XPO5: variants seen among roughly 807,000 people sequenced by gnomAD.
XPO5 encodes exportin-5.
Under a neutral mutation model 160.6 loss-of-function variants are expected in XPO5, and 46 were observed. The observed-to-expected ratio is 0.29, with a 90% CI of 0.23 to 0.37. The LOEUF is 0.37. Among genes scored for constraint, XPO5 ranks in the 10% least tolerant of loss-of-function variants. The pLI, the probability that XPO5 is intolerant of heterozygous loss-of-function variation, is 1.00. For missense variants in XPO5, 1,090 were observed against 1,463.9 expected (o/e 0.74, Z 4.17); for synonymous variants, 537 against 519.3 (o/e 1.03, Z -0.46).
At chr6:43,548,559 C>T in intron 17 of XPO5, 99 bp from the exon 18 acceptor site, 1 of 1,077,008 alleles carries the variant, frequency 9.3e-7, no homozygotes, top group South Asian at 2.1e-5. Flanking sequence ...AAAGCAGTCC[C>T]AGGAAAGTCA....
At chr6:43,563,171 C>G (rs1392659808) in intron 8 of XPO5, among the ~76,000 whole-genome samples, 1 of 152,102 alleles carries the variant, frequency 6.6e-6, no homozygotes, top group African/African-American at 2.4e-5. Flanking sequence ...CACACCTAGG[C>G]TGGAGTACAG....
At chr6:43,532,371 C>T (rs181882104) in intron 21 of XPO5, among the ~76,000 whole-genome samples, 7 of 152,322 alleles carry the variant, frequency 4.6e-5, no homozygotes, top group Non-Finnish European at 1.5e-5. Context: ...TGCTTGACCA[C>T]AGCCGGGCTC....
intron 19 of XPO5, among the ~76,000 whole-genome samples, chr6:43,547,022 G>A (rs1582221327): frequency 6.6e-6 from 1 of 152,078 alleles, no homozygotes; most frequent in South Asian, 2.1e-4. Flanking sequence ...CCCACCCACA[G>A]GACCCTGATG....
intron 14 of XPO5, among the ~76,000 whole-genome samples, chr6:43,553,025 G>A (rs1228545795): frequency 2.5e-5 from 3 of 121,030 alleles, no homozygotes; most frequent in Non-Finnish European, 3.2e-5. Context: ...TCTACTACCA[G>A]TTTACTGGCC....
intron 21 of XPO5, among the ~76,000 whole-genome samples, chr6:43,532,576 C>T (rs1277076035): frequency 6.6e-6 from 1 of 152,186 alleles, no homozygotes; most frequent in African/African-American, 2.4e-5. Context: ...ATACCAAGGC[C>T]TTTTTCTCTT....
rs1206744601 is a variant in XPO5, at chr6:43,546,629, G to A, written c.2284C>T (p.Arg762Cys). The A allele has an allele frequency of 3.1e-6, 5 of 1,613,896 alleles. No individual in the cohort carries two copies. The highest frequency in any genetic ancestry group is 1.6e-4 in the Middle Eastern group (1 of 6,062). The change falls in exon 20 of 32, where the codon CGT (arginine) becomes TGT (cysteine). Residue 762 changes from arginine (R) to cysteine (C), a missense_variant. Around this residue, in one of 3 missense-constraint regions of XPO5, gnomAD observed 810 missense variants for 1,139.0 expected, o/e 0.71. Coordinates refer to ENST00000265351, the MANE Select transcript of XPO5 (RefSeq NM_020750.3). ...AGAATCTGCTCTGTGCAGGGGTTAC[G>A]GAAGATTGGATTTCCACTGGATGTA... ...GYTSSGNPIF[R>C]NPCTEQILKL...
At chr6:43,549,864 G>A (rs751733058) in intron 16 of XPO5, 29 bp downstream of exon 16, 4 of 1,592,620 alleles carry the variant, frequency 2.5e-6, no homozygotes, top group East Asian at 2.2e-5. Flanking sequence ...CAAGAAGTTA[G>A]AATCTATTGG....
intron 15 of XPO5, 27 bp from the exon 16 acceptor site, chr6:43,549,961 C>T (rs1403050004): frequency 1.2e-6 from 2 of 1,609,096 alleles, no homozygotes; most frequent in Non-Finnish European, 1.7e-6. Flanking sequence ...AAAAAGGTCA[C>T]TCATGTTTAT....
At chr6:43,553,270 T>G (rs1795338191) in intron 14 of XPO5, 103 bp downstream of exon 14, 2 of 1,401,048 alleles carry the variant, frequency 1.4e-6, no homozygotes, top group Non-Finnish European at 1.9e-6. Context: ...CCACTGCATT[T>G]CAGCCTGAGC....
intron 7 of XPO5, chr6:43,566,688 T>C (rs1762713771): frequency 5.6e-6 from 2 of 359,686 alleles, no homozygotes; most frequent in African/African-American, 4.2e-5. Flanking sequence ...CGTGTGCCTA[T>C]AGTCCTAGCT....
chr6:43,537,950 C>A (rs1794443593), intron 20 of XPO5, among the ~76,000 whole-genome samples: 1 of 150,842 alleles, frequency 6.6e-6, no homozygotes, highest in Non-Finnish European at 1.5e-5. Context: ...CACCTGTAAT[C>A]CCAGCTACTC....
At chr6:43,549,412 G>A (rs1426472491) in intron 17 of XPO5, 77 bp downstream of exon 17, 1 of 1,396,680 alleles carries the variant, frequency 7.2e-7, no homozygotes, top group Non-Finnish European at 9.7e-7. Context: ...TTTTCTTTAT[G>A]TGAGGTACAC....
At chr6:43,560,596 G>A (rs1178379484) in intron 10 of XPO5, among the ~76,000 whole-genome samples, 3 of 152,192 alleles carry the variant, frequency 2.0e-5, no homozygotes, top group Admixed American at 2.0e-4. Context: ...ATTTTGAACA[G>A]AGTGAAATTA....
At chr6:43,535,569 T>A (rs986454485) in intron 20 of XPO5, among the ~76,000 whole-genome samples, 3 of 151,888 alleles carry the variant, frequency 2.0e-5, no homozygotes, top group African/African-American at 7.3e-5. Context: ...GAAGTCATTC[T>A]AGAGGCCGGG....
chr6:43,557,428 A>C (rs1272596252), intron 12 of XPO5, among the ~76,000 whole-genome samples: 1 of 152,158 alleles, frequency 6.6e-6, no homozygotes, highest in East Asian at 1.9e-4. Flanking sequence ...TCCATCTCAA[A>C]AAAAAAAGAA....
chr6:43,549,607 G>C (rs1184403602), intron 16 of XPO5, 29 bp from the exon 17 acceptor site: 1 of 1,606,450 alleles, frequency 6.2e-7, no homozygotes, highest in Non-Finnish European at 8.5e-7. Flanking sequence ...CAAACTCGGA[G>C]CTGCTTTTAA....
Position 43,527,505 on chromosome 6 carries a change from C to T in XPO5, c.2920+129G>A, listed in dbSNP as rs188772079. The T allele has an allele frequency of 8.2e-6, 7 of 856,566 alleles. No homozygotes were observed. The African/African-American group carries it at 1.0e-4, about 12-fold the overall frequency. The allele number at this position is 856,566 out of a possible 1,614,324, so 53.1% of individuals were successfully genotyped here. On this transcript the variant is annotated intron_variant, in intron 26 of 31. Coordinates refer to ENST00000265351, the MANE Select transcript of XPO5 (RefSeq NM_020750.3). Reference sequence around the variant, plus strand: ...GCCAGGATGGTCTTGATCTTTTGACCTCGCAATCCACCATGCCCGCCGCAA... The same window carrying T: ...GCCAGGATGGTCTTGATCTTTTGACTTCGCAATCCACCATGCCCGCCGCAA...
In XPO5 at chr6:43,575,751, C is replaced by A; in HGVS notation, c.105+9G>T. On this transcript the variant is annotated intron_variant, in intron 1 of 31. Coordinates refer to ENST00000265351, the MANE Select transcript of XPO5 (RefSeq NM_020750.3). ...CGGGACCGGCCCAGGACGCCAGGAC[C>A]CCAGCTACCTTGAGGGCTTCCAGCC... 1 of 1,610,108 alleles carries A rather than the reference C, an allele frequency of 6.2e-7. No homozygotes were observed. The highest frequency in any genetic ancestry group is 1.1e-5 in the South Asian group (1 of 90,886).
chr6:43,524,767 G>A, intron 30 of XPO5, 64 bp downstream of exon 30: 2 of 1,600,982 alleles, frequency 1.2e-6, no homozygotes, highest in Non-Finnish European at 1.7e-6. Context: ...TAAGGCCCAA[G>A]AGACTAGGAG....
Sources: gnomAD v4.1 joint callset for allele counts (sites outside exome capture counted in the v4.1 genomes callset) on GRCh38, gnomAD v4.1.1 for gene constraint, gnomAD v4.1.1 regional missense constraint, MANE v1.5 for transcripts, NCBI Gene and HGNC (gene_info 2026-07-23, HGNC 2026-07-21) for gene names.